The following NXPE2 variants were observed in gnomAD, a reference collection of about 807,000 sequenced individuals.
The protein encoded by NXPE2 is NXPE family member 2.
In NXPE2, 34 loss-of-function variants were observed where a neutral mutation model predicts 34.4. The observed-to-expected ratio is 0.99, with a 90% CI of 0.75 to 1.31. The LOEUF (loss-of-function observed/expected upper bound fraction) is 1.31, where lower values mean the gene tolerates loss of function less well. NXPE2 is among the 40% of genes most tolerant of loss of function. The pLI is 0.00. For synonymous variants in NXPE2, 235 were observed against 231.3 expected, an observed-to-expected ratio of 1.02 and a Z score of -0.15; for missense variants, 649 against 672.5, an observed-to-expected ratio of 0.97 and a Z score of 0.39.
At chr11:114,541,645 A>G in the NXPE2 span, among the ~76,000 whole-genome samples, 1 of 152,248 alleles carries the variant, frequency 6.6e-6, no homozygotes, top group African/African-American at 2.4e-5. Flanking sequence ...GGTTTGTTCC[A>G]GAAAGGCAGG....
At chr11:114,740,934 GA>G in the NXPE2 span, among the ~76,000 whole-genome samples, 1 of 152,094 alleles carries the variant, frequency 6.6e-6, no homozygotes, top group Non-Finnish European at 1.5e-5. Context: ...TGTCTCTTGT[GA>G]TAGTTTTTAA....
the NXPE2 span, among the ~76,000 whole-genome samples, chr11:114,516,091 G>A: frequency 6.6e-6 from 1 of 152,166 alleles, no homozygotes; most frequent in Admixed American, 6.5e-5. Context: ...ATAACTACCA[G>A]AGTCAAAATT....
chr11:114,553,606 C>G, the NXPE2 span: 1 of 513,300 alleles, frequency 1.9e-6, no homozygotes, highest in Non-Finnish European at 2.5e-6. Flanking sequence ...TCACATTTGT[C>G]TAAGCCATAA....
At chr11:114,592,791 T>C in the NXPE2 span, among the ~76,000 whole-genome samples, 2 of 152,114 alleles carry the variant, frequency 1.3e-5, no homozygotes, top group Non-Finnish European at 2.9e-5. Flanking sequence ...ACTACAAAGT[T>C]ATAGTAAACA....
At position 114,678,553 on chromosome 11, in the gene NXPE2, A is replaced by T; in HGVS notation, c.-23A>T. 1 of 1,540,898 alleles carries T rather than the reference A, an allele frequency of 6.5e-7. No individual in the cohort carries two copies. The highest frequency in any genetic ancestry group is 8.8e-7 in the Non-Finnish European group (1 of 1,137,380). On this transcript the variant is annotated 5_prime_UTR_variant, in exon 1 of 6. Transcript: ENST00000389586. ...ATCAAGGAGAGTCTCTGGACACTAT[A>T]ATTCCTGTGAGAACACGAGAAGATG...
chr11:114,621,774 T>G, the NXPE2 span, among the ~76,000 whole-genome samples: 3 of 152,156 alleles, frequency 2.0e-5, no homozygotes, highest in African/African-American at 7.2e-5. Flanking sequence ...GCCTCATGGG[T>G]AACCACTGTT....
chr11:114,529,908 C>T, the NXPE2 span: 2 of 409,914 alleles, frequency 4.9e-6, no homozygotes, highest in African/African-American at 4.0e-5. Context: ...TGTTATCATA[C>T]ACTTATCAAG....
chr11:114,577,775 A>C, the NXPE2 span, among the ~76,000 whole-genome samples: 4 of 152,140 alleles, frequency 2.6e-5, no homozygotes, highest in Non-Finnish European at 5.9e-5. Context: ...TCTTTACATA[A>C]AAAACAAGTA....
chr11:114,580,442 G>T, the NXPE2 span: 2 of 851,266 alleles, frequency 2.3e-6, no homozygotes. Context: ...GGGGTAAGGT[G>T]GTGGTAATGG....
chr11:114,524,405 A>T, the NXPE2 span, among the ~76,000 whole-genome samples: 1 of 152,326 alleles, frequency 6.6e-6, no homozygotes, highest in South Asian at 2.1e-4. Context: ...AGAATAGTGC[A>T]TCATTACATG....
the NXPE2 span, among the ~76,000 whole-genome samples, chr11:114,748,745 A>G: frequency 6.6e-6 from 1 of 152,188 alleles, no homozygotes; most frequent in Admixed American, 6.5e-5. Context: ...GGTATCTGCC[A>G]TGCTTCTCCA....
At chr11:114,776,914 C>T in the NXPE2 span, among the ~76,000 whole-genome samples, 1 of 152,158 alleles carries the variant, frequency 6.6e-6, no homozygotes, top group South Asian at 2.1e-4. Flanking sequence ...TAGCTAGGGT[C>T]AAACAACTTT....
chr11:114,675,113 A>G (rs1240990989), upstream of NXPE2, among the ~76,000 whole-genome samples: 1 of 151,762 alleles, frequency 6.6e-6, no homozygotes, highest in Non-Finnish European at 1.5e-5. Context: ...TTCATGAGAA[A>G]AAAACTCTAA....
the NXPE2 span, among the ~76,000 whole-genome samples, chr11:114,765,220 C>T: frequency 6.6e-6 from 1 of 151,876 alleles, no homozygotes; most frequent in Non-Finnish European, 1.5e-5. Context: ...ATTTTTCATA[C>T]AAGCTGACAT....
At chr11:114,696,883 G>A (rs555759870) in intron 2 of NXPE2, among the ~76,000 whole-genome samples, 20 of 152,064 alleles carry the variant, frequency 1.3e-4, no homozygotes, top group Non-Finnish European at 2.1e-4. Context: ...AGTACCAAAC[G>A]CTATACAGTG....
chr11:114,468,274 G>T, the NXPE2 span, among the ~76,000 whole-genome samples: 5 of 152,164 alleles, frequency 3.3e-5, no homozygotes, highest in Non-Finnish European at 5.9e-5. Context: ...GGTGGGGTGG[G>T]CTTGGGACAG....
the NXPE2 span, among the ~76,000 whole-genome samples, chr11:114,469,713 G>A: frequency 6.6e-6 from 1 of 151,830 alleles, no homozygotes; most frequent in East Asian, 1.9e-4. Context: ...GGCTGGTCTC[G>A]AACTCCTGAC....
the NXPE2 span, among the ~76,000 whole-genome samples, chr11:114,623,527 T>A: frequency 6.6e-6 from 1 of 152,096 alleles, no homozygotes; most frequent in African/African-American, 2.4e-5. Context: ...CCCTCGTGGA[T>A]AAACACTGTT....
At chr11:114,684,258 A>G (rs1273197691) in intron 2 of NXPE2, among the ~76,000 whole-genome samples, 1 of 151,742 alleles carries the variant, frequency 6.6e-6, no homozygotes, top group Non-Finnish European at 1.5e-5. Flanking sequence ...AAACCCCATC[A>G]CTACTAAAAA....
Sources: gnomAD v4.1 joint callset for allele counts (sites outside exome capture counted in the v4.1 genomes callset) on GRCh38, gnomAD v4.1.1 for gene constraint, MANE v1.5 for transcripts, NCBI Gene and HGNC (gene_info 2026-07-23, HGNC 2026-07-21) for gene names.